ATM: variants seen among roughly 807,000 people sequenced by gnomAD.
ATM encodes the protein ATM serine/threonine kinase.
Under a neutral mutation model 387.0 loss-of-function variants are expected in ATM, and 308 were observed. The ratio of observed to expected loss-of-function variants is 0.80; its 90% CI spans 0.73 to 0.87. The LOEUF is 0.87. Ranked by LOEUF, ATM falls within the 40% of genes least tolerant of loss-of-function variation. ATM has a pLI of 0.00. For missense variants in ATM, 3,312 were observed against 3,560.9 expected (o/e 0.93, Z 1.78); for synonymous variants, 1,156 against 1,187.3 (o/e 0.97, Z 0.54).
chr11:108,296,150 AGCTT>A (rs1375958326), intron 32 of ATM, among the ~76,000 whole-genome samples: 1 of 152,132 alleles, frequency 6.6e-6, no homozygotes, highest in Non-Finnish European at 1.5e-5. Flanking sequence ...AAGTTTTTCT[AGCTT>A]GCTTGTTAAT....
intron 12 of ATM, among the ~76,000 whole-genome samples, chr11:108,253,472 C>T (rs187203313): frequency 1.8e-4 from 27 of 152,092 alleles, no homozygotes; most frequent in Middle Eastern, 6.8e-3. Context: ...TCTTTACTTC[C>T]TCTGCTTGGT....
Position 108,366,472 on chromosome 11 carries a change from T to A in ATM, c.*964T>A, listed in dbSNP as rs2091337325. ...TAGACACTGTAATAGTTCTATTAAA[T>A]TTAGTTCCTGCTGTTTATATCTGTT... is the stretch of plus-strand genomic sequence containing the variant. On this transcript the variant is annotated 3_prime_UTR_variant, in exon 63 of 63. Transcript: ENST00000675843. 4.5e-6 allele frequency: 1 copy of A among 224,392 alleles called. No individual in the cohort carries two copies. Among genetic ancestry groups the A allele is most frequent in the South Asian group, 1.8e-4 (1 of 5,462 alleles). The allele number at this position is 224,392 out of a possible 1,614,324, so 13.9% of individuals were successfully genotyped here. A position where few individuals can be genotyped will look rare whatever the true frequency, so the allele number is the denominator to read the frequency against.
chr11:108,232,928 T>G (rs533958989), intron 4 of ATM, among the ~76,000 whole-genome samples: 19 of 152,066 alleles, frequency 1.2e-4, no homozygotes, highest in African/African-American at 3.6e-4. Context: ...AATGGCGCCA[T>G]CTTGGCTCAC....
chr11:108,227,996 T>G (rs541956742), intron 3 of ATM, 108 bp downstream of exon 3: 39 of 902,578 alleles, frequency 4.3e-5, no homozygotes, highest in Non-Finnish European at 6.4e-5. Context: ...TTGCTTCCTA[T>G]ATATCATTAT....
In ATM at chr11:108,257,519, T is replaced by A. The variant is rs34231402; in HGVS notation, c.2289T>A (p.Phe763Leu). The A allele has an allele frequency of 4.4e-4, 705 of 1,613,946 alleles. 2 individuals carry two copies. Among genetic ancestry groups the A allele is most frequent in the Middle Eastern group, 3.6e-3 (22 of 6,040 alleles). The change falls in exon 15 of 63, where the codon TTT becomes TTA. Residue 763 changes from phenylalanine to leucine, a missense_variant. By Grantham distance (22) the Phe-to-Leu change is conservative. Around this residue, in one of 4 missense-constraint regions of ATM, gnomAD observed 1,791 missense variants for 1,804.5 expected, o/e 0.99. Coordinates refer to ENST00000675843, the MANE Select transcript of ATM (RefSeq NM_000051.4). ...MQCAGESITL[F>L]KNKTNEEFRI... ...GTGCAGGAGAAAGTATCACTCTGTT[T>A]AAAAATAAGACAAATGAGGAATTCA... is the stretch of plus-strand genomic sequence containing the variant.
At chr11:108,314,740 T>C (rs909126432) in intron 40 of ATM, among the ~76,000 whole-genome samples, 1 of 152,188 alleles carries the variant, frequency 6.6e-6, no homozygotes, top group Non-Finnish European at 1.5e-5. Context: ...CTACCGATGA[T>C]ATAAACAACA....
chr11:108,290,947 G>T (rs184856247), intron 29 of ATM, among the ~76,000 whole-genome samples: 12 of 152,146 alleles, frequency 7.9e-5, no homozygotes, highest in African/African-American at 2.9e-4. Flanking sequence ...TAGAATTGGG[G>T]TTGTTCGGCC....
In ATM at chr11:108,267,267, A is replaced by T. The variant is rs749844591; in HGVS notation, c.2563A>T (p.Met855Leu). 3 of 1,614,198 alleles carry T rather than the reference A, an allele frequency of 1.9e-6. No individual in the cohort carries two copies. Among genetic ancestry groups the T allele is most frequent in the Non-Finnish European group, 2.5e-6 (3 of 1,180,022 alleles). Residue 855 changes from methionine to leucine, a missense_variant, in exon 17 of 63, where the codon ATG becomes TTG. Physicochemically the swap from Met to Leu is conservative, Grantham distance 15. This residue lies in a region of ATM where 1,791 missense variants were observed against 1,804.5 expected (regional missense o/e 0.99). Coordinates refer to ENST00000675843, the MANE Select transcript of ATM (RefSeq NM_000051.4). ...AATGGAGGTGGAGGATCAGTCATCC[A>T]TGAATCTATTTAACGATTACCCTGA... ...NLMEVEDQSS[M>L]NLFNDYPDSS... is the part of the protein sequence containing the mutation.
At chr11:108,241,742 C>CTTTTTTTTTTTTTTTTT (rs1206745957) in intron 5 of ATM, among the ~76,000 whole-genome samples, 9 of 45,366 alleles carry the variant, frequency 2.0e-4, no homozygotes, top group Admixed American at 3.3e-4. Flanking sequence ...TTCTTTCTTT[C>CTTTTTTTTTTTTTTTTT]TTTTTTTTTT....
chr11:108,286,629 G>A (rs2082507163), intron 26 of ATM, among the ~76,000 whole-genome samples: 1 of 152,096 alleles, frequency 6.6e-6, no homozygotes, highest in Admixed American at 6.5e-5. Context: ...AAAAGGGAGG[G>A]GGTTGCAAAG....
chr11:108,257,568 A>T lies in ATM; in HGVS notation c.2338A>T (p.Met780Leu), dbSNP rs587781446. Residue 780 changes from methionine (M) to leucine (L), a missense_variant, in exon 15 of 63, where the codon ATG (methionine) becomes TTG (leucine). Coordinates refer to ENST00000675843, the MANE Select transcript of ATM (RefSeq NM_000051.4). ...CAGAATTGGTTCCTTGAGAAATATG[A>T]TGCAGCTATGTACACGTTGCTTGAG... ...EFRIGSLRNM[M>L]QLCTRCLSNC... 5 of 1,613,900 alleles carry T rather than the reference A, an allele frequency of 3.1e-6. No individual in the cohort carries two copies. In the African/African-American group the frequency reaches 5.3e-5, roughly 17 times the overall value.
At chr11:108,266,134 G>C (rs369881735) in intron 16 of ATM, among the ~76,000 whole-genome samples, 3 of 149,816 alleles carry the variant, frequency 2.0e-5, no homozygotes, top group Non-Finnish European at 4.5e-5. Flanking sequence ...CCATTACTGG[G>C]TATATACCCA....
chr11:108,365,050 G>T (rs1310177708), intron 61 of ATM, 32 bp from the exon 62 acceptor site: 1 of 1,607,910 alleles, frequency 6.2e-7, no homozygotes, highest in African/African-American at 1.3e-5. Flanking sequence ...AATGTACATT[G>T]TTCTTTTAAT....
intron 59 of ATM, among the ~76,000 whole-genome samples, chr11:108,351,728 CTTCCATCACATTA>C (rs1396130284): frequency 6.6e-6 from 1 of 152,244 alleles, no homozygotes; most frequent in Non-Finnish European, 1.5e-5. Flanking sequence ...CACAGTATCA[CTTCCATCACATTA>C]TGTCATCACA....
chr11:108,359,537 T>A (rs747570397), intron 61 of ATM, among the ~76,000 whole-genome samples: 3 of 152,080 alleles, frequency 2.0e-5, no homozygotes, highest in Admixed American at 2.0e-4. Context: ...ATTGACCCCA[T>A]AGTTGGAAGT....
chr11:108,268,456 A>T lies in ATM; in HGVS notation c.2685A>T (p.Leu895=). 6.2e-7 allele frequency: 1 copy of T among 1,614,020 alleles called. No individual in the cohort carries two copies. Among genetic ancestry groups the T allele is most frequent in the Non-Finnish European group, 8.5e-7 (1 of 1,179,994 alleles). Residue 895 remains leucine (L), a synonymous_variant, in exon 18 of 63, where the codon CTA becomes CTT. Coordinates refer to ENST00000675843, the MANE Select transcript of ATM (RefSeq NM_000051.4). The part of the protein sequence containing the change: ...LAEEYLSKQD[L]LFLDMLKFLC... Reference sequence around the variant, plus strand: ...AAGAATATCTGTCAAAGCAAGATCTACTTTTCTTAGACATGCTCAAGTTCT... The same window carrying T: ...AAGAATATCTGTCAAAGCAAGATCTTCTTTTCTTAGACATGCTCAAGTTCT...
chr11:108,341,083 G>A (rs937714866), intron 56 of ATM, among the ~76,000 whole-genome samples: 27 of 151,926 alleles, frequency 1.8e-4, no homozygotes, highest in African/African-American at 6.3e-4. Flanking sequence ...ATCTGCCTCT[G>A]CTGTTCTCCC....
rs746220021 is a variant in ATM at position 108,299,809 on chromosome 11, A to G, written c.5101A>G (p.Lys1701Glu). The change falls in exon 34 of 63, where the codon AAG becomes GAG. Residue 1701 changes from lysine to glutamate, a missense_variant. Lys to Glu is a moderately conservative substitution (Grantham distance 56). Coordinates refer to ENST00000675843, the MANE Select transcript of ATM (RefSeq NM_000051.4). The stretch of plus-strand genomic sequence containing the variant: ...AGATGCATCTTATACCAAGGCCCTT[A>G]AGTTATTTGAAGATAAAGAACTTCA... ...SKDASYTKALKLFEDKELQWT... is the reference protein window; with the variant it reads ...SKDASYTKALELFEDKELQWT... The G allele has an allele frequency of 3.7e-6, 6 of 1,613,922 alleles. No homozygotes were observed. Among genetic ancestry groups the G allele is most frequent in the Non-Finnish European group, 5.1e-6 (6 of 1,179,902 alleles).
chr11:108,321,162 T>C, intron 44 of ATM, 139 bp from the exon 45 acceptor site: 1 of 1,127,446 alleles, frequency 8.9e-7, no homozygotes, highest in Non-Finnish European at 1.3e-6. Context: ...ACTGCTATTT[T>C]GTATTCACTG....
Sources: gnomAD v4.1 joint callset for allele counts (sites outside exome capture counted in the v4.1 genomes callset) on GRCh38, gnomAD v4.1.1 for gene constraint, gnomAD v4.1.1 regional missense constraint, MANE v1.5 for transcripts, NCBI Gene and HGNC (gene_info 2026-07-23, HGNC 2026-07-21) for gene names.